Variants in RBFOX1 observed in about 807,000 individuals in gnomAD.
RBFOX1 encodes the protein RNA binding protein fox-1 homolog 1.
Under a neutral mutation model 57.7 loss-of-function variants are expected in RBFOX1, and 8 were observed. The ratio of observed to expected loss-of-function variants is 0.14; its 90% CI spans 0.08 to 0.25. The LOEUF is 0.25. Among genes scored for constraint, RBFOX1 ranks in the 10% least tolerant of loss-of-function variants. RBFOX1 has a pLI of 1.00. For missense variants in RBFOX1, 611 were observed against 548.5 expected, an observed-to-expected ratio of 1.11 and a Z score of -1.14; for synonymous variants, 326 against 222.4, an observed-to-expected ratio of 1.47 and a Z score of -4.15.
chr16:7,042,547 A>G (rs1255396156), intron 3 of RBFOX1, among the ~76,000 whole-genome samples: 3 of 152,240 alleles, frequency 2.0e-5, no homozygotes, highest in African/African-American at 7.2e-5. Flanking sequence ...TAAGCTTATA[A>G]CTAGGAACTG....
chr16:6,622,948 TCTTA>T (rs1368411188), intron 2 of RBFOX1, among the ~76,000 whole-genome samples: 2 of 152,202 alleles, frequency 1.3e-5, no homozygotes, highest in East Asian at 3.9e-4. Flanking sequence ...CTCAGGGTCT[TCTTA>T]CTTTAGACTC....
intron 1 of RBFOX1, among the ~76,000 whole-genome samples, chr16:6,048,212 T>A (rs1188035255): frequency 6.6e-6 from 1 of 152,192 alleles, no homozygotes; most frequent in Non-Finnish European, 1.5e-5. Flanking sequence ...TCAGGAAGGA[T>A]CCTTGGCCAG....
intron 4 of RBFOX1, among the ~76,000 whole-genome samples, chr16:7,068,554 A>G (rs937041695): frequency 2.6e-5 from 4 of 152,144 alleles, no homozygotes; most frequent in African/African-American, 9.7e-5. Context: ...TGTCTACCAT[A>G]ATAGTACTGA....
chr16:7,700,664 A>G (rs139516353), intron 14 of RBFOX1, among the ~76,000 whole-genome samples: 2 of 152,336 alleles, frequency 1.3e-5, no homozygotes, highest in East Asian at 1.9e-4. Context: ...GCTCTGCATT[A>G]AAGAGAATGT....
intron 3 of RBFOX1, among the ~76,000 whole-genome samples, chr16:6,805,655 G>C (rs1001760761): frequency 2.7e-5 from 4 of 149,894 alleles, no homozygotes; most frequent in Non-Finnish European, 5.9e-5. Context: ...AAGGAGGGAA[G>C]TCTGTTAATG....
chr16:5,794,511 C>T (rs562945378), intron 3 of RBFOX1, among the ~76,000 whole-genome samples: 12 of 149,904 alleles, frequency 8.0e-5, no homozygotes, highest in South Asian at 2.1e-4. Flanking sequence ...TGCCAGCGTG[C>T]GTGTGTGTGT....
At chr16:7,535,086 T>C (rs555118176) in intron 5 of RBFOX1, among the ~76,000 whole-genome samples, 1 of 152,324 alleles carries the variant, frequency 6.6e-6, no homozygotes, top group South Asian at 2.1e-4. Flanking sequence ...ATTGTACTTC[T>C]CTCTTTTATT....
At chr16:5,600,319 A>T (rs948782109), downstream of RBFOX1, among the ~76,000 whole-genome samples, 4 of 151,142 alleles carry the variant, frequency 2.6e-5, no homozygotes, top group Non-Finnish European at 5.9e-5. Flanking sequence ...AAAAAAATAA[A>T]AAAAAAACAA....
intron 3 of RBFOX1, among the ~76,000 whole-genome samples, chr16:6,660,290 C>T (rs1372627488): frequency 6.6e-6 from 1 of 151,690 alleles, no homozygotes; most frequent in Non-Finnish European, 1.5e-5. Flanking sequence ...CTAATGCATG[C>T]TGGGCTTAAT....
chr16:6,679,226 C>G (rs78596703), intron 3 of RBFOX1, among the ~76,000 whole-genome samples: 2,385 of 152,106 alleles, frequency 0.016, 34 homozygotes, highest in Non-Finnish European at 0.023. Context: ...TTGACGATGA[C>G]ATGAAATCGC....
chr16:7,044,171 A>G (rs1360512326), intron 3 of RBFOX1, among the ~76,000 whole-genome samples: 1 of 152,070 alleles, frequency 6.6e-6, no homozygotes, highest in Non-Finnish European at 1.5e-5. Context: ...GTGTATGTAT[A>G]TGTGCATGTG....
intron 3 of RBFOX1, among the ~76,000 whole-genome samples, chr16:5,706,639 C>G (rs1279179167): frequency 6.6e-6 from 1 of 152,142 alleles, no homozygotes; most frequent in African/African-American, 2.4e-5. Flanking sequence ...TCCAGAGTGT[C>G]TCTCTGGAGG....
At chr16:6,450,604 C>T (rs892112731) in intron 2 of RBFOX1, among the ~76,000 whole-genome samples, 1 of 149,684 alleles carries the variant, frequency 6.7e-6, no homozygotes, top group Admixed American at 6.7e-5. Flanking sequence ...GTTTCCAACC[C>T]CTGTTTCCAT....
At chr16:7,273,798 C>G (rs910868653) in intron 4 of RBFOX1, among the ~76,000 whole-genome samples, 6 of 152,150 alleles carry the variant, frequency 3.9e-5, no homozygotes, top group Admixed American at 2.0e-4. Flanking sequence ...TGTTCATAAA[C>G]TTGTTTATTT....
intron 1 of RBFOX1, among the ~76,000 whole-genome samples, chr16:6,035,678 C>T (rs1348479001): frequency 6.6e-6 from 1 of 152,270 alleles, no homozygotes; most frequent in Non-Finnish European, 1.5e-5. Context: ...ATAATCAATT[C>T]TTTTCCCCCC....
chr16:6,620,188 G>C (rs994276187), intron 2 of RBFOX1, among the ~76,000 whole-genome samples: 3 of 152,090 alleles, frequency 2.0e-5, no homozygotes, highest in African/African-American at 7.2e-5. Flanking sequence ...AAATCAGTCA[G>C]AATTCACTCA....
At chr16:5,450,570 G>T (rs919508917) in intron 1 of RBFOX1, among the ~76,000 whole-genome samples, 3 of 152,174 alleles carry the variant, frequency 2.0e-5, no homozygotes, top group African/African-American at 7.2e-5. Flanking sequence ...TTCTTTCTTT[G>T]TTCTCTGGAG....
intron 3 of RBFOX1, among the ~76,000 whole-genome samples, chr16:6,926,507 T>C (rs13333363): frequency 0.34 from 51,298 of 151,860 alleles, 9,491 homozygotes; most frequent in African/African-American, 0.5. Context: ...TTTGTAGCGG[T>C]GTTATAGGCT....
chr16:7,518,012 A>C (rs575792895), intron 4 of RBFOX1, 135 bp from the exon 5 acceptor site: 178 of 1,093,020 alleles, frequency 1.6e-4, no homozygotes, highest in Non-Finnish European at 2.1e-4. Context: ...AGATTGGTCC[A>C]TCTCAGGCTG....
Sources: allele counts gnomAD v4.1 joint callset (sites outside exome capture counted in the v4.1 genomes callset), GRCh38; gene constraint gnomAD v4.1.1; transcripts MANE v1.5; gene names NCBI Gene and HGNC (gene_info 2026-07-23, HGNC 2026-07-21).